DENND10: variants seen among roughly 807,000 people sequenced by gnomAD.
The protein encoded by DENND10 is DENN domain-containing protein 10.
In DENND10, 24 loss-of-function variants were observed where a neutral mutation model predicts 43.6. The observed-to-expected ratio is 0.55, with a 90% CI of 0.40 to 0.77. The LOEUF (loss-of-function observed/expected upper bound fraction) is 0.77. Among genes scored for constraint, DENND10 ranks in the 30% least tolerant of loss-of-function variants. The probability of loss-of-function intolerance (pLI) is 0.00; values close to 1 mark genes in which losing one functional copy is unlikely to be tolerated. For synonymous variants in DENND10, 125 were observed against 157.6 expected (o/e 0.79, Z 1.55); for missense variants, 303 against 429.9 (o/e 0.70, Z 2.61).
chr10:119,123,584 C>T lies in DENND10; in HGVS notation c.694+15C>T, dbSNP rs1272349115. ...GATGTGCACAGGTAGACAAGAGGAT[C>T]CCAGGGGAGGAACTGTTTCACTTTT... On this transcript the variant is annotated intron_variant, in intron 6 of 8. Transcript: ENST00000361432. The T allele has an allele frequency of 6.4e-7, 1 of 1,557,580 alleles. No individual in the cohort carries two copies. Among genetic ancestry groups the T allele is most frequent in the Admixed American group, 1.7e-5 (1 of 58,166 alleles).
intron 3 of DENND10, among the ~76,000 whole-genome samples, chr10:119,113,317 G>A (rs1456376836): frequency 2.6e-5 from 4 of 151,504 alleles, no homozygotes; most frequent in Non-Finnish European, 4.4e-5. Context: ...AGCCTCCCAA[G>A]TAGTTAGGAC....
intron 3 of DENND10, chr10:119,114,022 C>CT (rs1347239792): frequency 6.6e-6 from 1 of 152,184 alleles, no homozygotes; most frequent in Non-Finnish European, 1.5e-5. Context: ...CAACTGAATT[C>CT]ACTGGGAAAT....
chr10:119,131,508 A>G (rs1174520783), intron 7 of DENND10, among the ~76,000 whole-genome samples: 3 of 152,200 alleles, frequency 2.0e-5, no homozygotes, highest in Admixed American at 6.5e-5. Context: ...TACATAAAGT[A>G]GAAAAGATTG....
chr10:119,123,487 G>C lies in DENND10; in HGVS notation c.612G>C (p.Val204=). 2 of 1,613,796 alleles carry C rather than the reference G, an allele frequency of 1.2e-6. No individual in the cohort carries two copies. The highest frequency in any genetic ancestry group is 1.7e-6 in the Non-Finnish European group (2 of 1,179,862). Residue 204 remains valine (V), a synonymous_variant, in exon 6 of 9, where the codon GTG becomes GTC. Transcript: ENST00000361432. ...TCCCCAGGACTCTGCCTGCCCTGGTGTGGCACCGACAGGACTGGACCATCC... is the reference window on the plus strand; with the variant it reads ...TCCCCAGGACTCTGCCTGCCCTGGTCTGGCACCGACAGGACTGGACCATCC... The part of the protein sequence containing the change: ...QEFTRTLPAL[V]WHRQDWTILH...
At chr10:119,106,839 G>A (rs1844719877) in intron 1 of DENND10, among the ~76,000 whole-genome samples, 2 of 152,152 alleles carry the variant, frequency 1.3e-5, no homozygotes, top group African/African-American at 4.8e-5. Context: ...GAGGTGGGGA[G>A]TTCGAGACCA....
intron 2 of DENND10, among the ~76,000 whole-genome samples, chr10:119,109,370 C>T (rs1267461593): frequency 6.6e-6 from 1 of 152,048 alleles, no homozygotes; most frequent in Admixed American, 6.6e-5. Context: ...AAGCAACCAG[C>T]AGGTTTTTTC....
rs112553660 is a variant in DENND10 at position 119,115,764 on chromosome 10, C to CTT, written c.333-1739_333-1738dup. Among the ~76,000 whole-genome samples, 26 of 119,730 alleles carry CTT rather than the reference C, an allele frequency of 2.2e-4. No homozygotes were observed. In the East Asian group the frequency reaches 3.3e-3, roughly 15 times the overall value. The allele number at this position is 119,730 out of a possible 152,430, so 78.5% of individuals were successfully genotyped here. A position where few individuals can be genotyped will look rare whatever the true frequency, so the allele number is the denominator to read the frequency against. On this transcript the variant is annotated intron_variant, in intron 3 of 8. Coordinates refer to ENST00000361432, the MANE Select transcript of DENND10 (RefSeq NM_207009.4). ...ATGATAAATATAATTTTCAAGTGAT[C>CTT]TTTTTTTTTTTTTTTTTGAGACGGA... is the stretch of plus-strand genomic sequence containing the variant.
At position 119,132,013 on chromosome 10, in the gene DENND10, G is replaced by C. The variant is rs1274966154; in HGVS notation, c.803-502G>C. Among the ~76,000 whole-genome samples, 1 of 152,214 alleles carries C rather than the reference G, an allele frequency of 6.6e-6. No individual in the cohort carries two copies. The highest frequency in any genetic ancestry group is 1.5e-5 in the Non-Finnish European group (1 of 68,030). On this transcript the variant is annotated intron_variant, in intron 7 of 8. Transcript: ENST00000361432. The surrounding 1 kb of genome is among the most constrained non-coding windows in gnomAD (Gnocchi z 4.2). ...CCTCCTCAGTGCAGACAGTAGCAAT[G>C]TATGTAACCAGGCTAACTTAGGTGG...
intron 6 of DENND10, among the ~76,000 whole-genome samples, chr10:119,125,380 A>G (rs1845776922): frequency 6.6e-6 from 1 of 151,672 alleles, no homozygotes; most frequent in African/African-American, 2.4e-5. Context: ...TGGGGTACAT[A>G]TGATGTTTTG....
At chr10:119,123,709 C>T in intron 6 of DENND10, 140 bp downstream of exon 6, 1 of 657,908 alleles carries the variant, frequency 1.5e-6, no homozygotes, top group Non-Finnish European at 2.7e-6. Context: ...TTCAATTCTC[C>T]TGCCTTAGCC....
At chr10:119,118,520 C>A (rs1013197096) in intron 4 of DENND10, among the ~76,000 whole-genome samples, 6 of 152,234 alleles carry the variant, frequency 3.9e-5, no homozygotes, top group Non-Finnish European at 8.8e-5. Flanking sequence ...AGGCTGCCCT[C>A]TGTCATGTCC....
chr10:119,135,606 TCA>T (rs1360230569), intron 8 of DENND10, among the ~76,000 whole-genome samples: 3 of 151,840 alleles, frequency 2.0e-5, no homozygotes, highest in Non-Finnish European at 4.4e-5. Context: ...GCAGACAAAT[TCA>T]CAGAGTTAGA....
chr10:119,106,270 A>T (rs1195132504), intron 1 of DENND10, among the ~76,000 whole-genome samples: 1 of 152,136 alleles, frequency 6.6e-6, no homozygotes, highest in Non-Finnish European at 1.5e-5. Context: ...TAGTATAATG[A>T]TTTCTTTTCC....
At chr10:119,112,487 CTTTTTCTTTTTT>C (rs1845024719) in intron 3 of DENND10, among the ~76,000 whole-genome samples, 1 of 146,464 alleles carries the variant, frequency 6.8e-6, no homozygotes, top group South Asian at 2.1e-4. Flanking sequence ...TTTTCTTTTT[CTTTTTCTTTTTT>C]TTTTTTTTTT....
Position 119,136,648 on chromosome 10 carries a change from C to T in DENND10, c.*1C>T. On this transcript the variant is annotated 3_prime_UTR_variant, in exon 9 of 9. Transcript: ENST00000361432. ...AGCCGAACAAATGCTGAAAATCTGA[C>T]TGTGTGACAGAACGTATCACTGATG... 1 of 1,438,052 alleles carries T rather than the reference C, an allele frequency of 7.0e-7. No homozygotes were observed. Among genetic ancestry groups the T allele is most frequent in the Non-Finnish European group, 9.4e-7 (1 of 1,061,506 alleles). The allele number at this position is 1,438,052 out of a possible 1,614,324, so 89.1% of individuals were successfully genotyped here.
intron 3 of DENND10, 56 bp downstream of exon 3, chr10:119,111,984 T>C: frequency 7.7e-7 from 1 of 1,296,254 alleles, no homozygotes; most frequent in African/African-American, 1.5e-5. Flanking sequence ...CTTAGTATAG[T>C]TACATAGCAG....
rs148923373 is a variant in DENND10, at chr10:119,122,581, G to A, written c.594-888G>A. On this transcript the variant is annotated intron_variant, in intron 5 of 8. Coordinates refer to ENST00000361432, the MANE Select transcript of DENND10 (RefSeq NM_207009.4). ...ATCCCATCACCTTTTCCCCCTCTACGTATGCTCCTTAAACTGGAGCGGTCA... is the reference window on the plus strand; with the variant it reads ...ATCCCATCACCTTTTCCCCCTCTACATATGCTCCTTAAACTGGAGCGGTCA... 1.9e-3 allele frequency among the ~76,000 whole-genome samples: 290 copies of A among 152,138 alleles called. 1 individual carries two copies. Among genetic ancestry groups the A allele is most frequent in the African/African-American group, 6.7e-3 (279 of 41,486 alleles).
At chr10:119,120,273 G>GA (rs1030469152) in intron 4 of DENND10, 68 bp from the exon 5 acceptor site, 495 of 1,032,948 alleles carry the variant, frequency 4.8e-4, no homozygotes, top group Middle Eastern at 6.7e-4. Flanking sequence ...AAGAAAAAAA[G>GA]AAAAAAAAAT....
At chr10:119,104,475 C>T (rs1390421533) in intron 1 of DENND10, among the ~76,000 whole-genome samples, 1 of 151,044 alleles carries the variant, frequency 6.6e-6, no homozygotes, top group Admixed American at 6.6e-5. Flanking sequence ...GTGGAGCTCC[C>T]CCTGCACGCC....
Sources: gnomAD v4.1 joint callset for allele counts (sites outside exome capture counted in the v4.1 genomes callset) on GRCh38, gnomAD v4.1.1 for gene constraint, Gnocchi (gnomAD v3.1) non-coding constraint, MANE v1.5 for transcripts, NCBI Gene and HGNC (gene_info 2026-07-23, HGNC 2026-07-21) for gene names.